Variants in CEP128 observed in about 807,000 individuals in gnomAD.
CEP128 encodes the protein centrosomal protein 128.
CEP128 carries 132 observed loss-of-function variants against 156.7 expected under a neutral mutation model. The observed-to-expected ratio is 0.84, with a 90% CI of 0.73 to 0.97. CEP128 has a LOEUF of 0.97. Ranked by LOEUF, CEP128 falls within the 50% of genes least tolerant of loss-of-function variation. CEP128 has a pLI of 0.00. For synonymous variants in CEP128, 469 were observed against 448.9 expected (o/e 1.04, Z -0.57); for missense variants, 1,252 against 1,281.9 (o/e 0.98, Z 0.36).
At chr14:80,584,140 C>T (rs959500649) in intron 19 of CEP128, among the ~76,000 whole-genome samples, 1 of 134,768 alleles carries the variant, frequency 7.4e-6, no homozygotes, top group Non-Finnish European at 1.5e-5. Flanking sequence ...GCGTCCGTGA[C>T]ATTTTTTTTT....
intron 6 of CEP128, among the ~76,000 whole-genome samples, chr14:80,901,125 G>A (rs930935736): frequency 4.6e-5 from 7 of 151,812 alleles, no homozygotes; most frequent in Admixed American, 1.3e-4. Flanking sequence ...AGAATGGCGT[G>A]AACCCGGGAG....
chr14:80,487,796 AAG>A (rs1887202324), downstream of CEP128, among the ~76,000 whole-genome samples: 1 of 152,172 alleles, frequency 6.6e-6, no homozygotes, highest in African/African-American at 2.4e-5. Flanking sequence ...TAACGAAATG[AAG>A]GCAGAAATAA....
intron 13 of CEP128, among the ~76,000 whole-genome samples, chr14:80,812,799 G>A (rs1479894947): frequency 7.2e-5 from 11 of 152,116 alleles, no homozygotes; most frequent in Non-Finnish European, 1.2e-4. Context: ...TCCTGACCTC[G>A]TGATCCGCCA....
chr14:80,761,580 T>G lies in CEP128; in HGVS notation c.2410A>C (p.Arg804=). The change falls in exon 17 of 25, where the codon AGG becomes CGG. Residue 804 remains arginine (R), a synonymous_variant. Coordinates refer to ENST00000555265, the MANE Select transcript of CEP128 (RefSeq NM_152446.5). ...KHISIEEEHL[R]RMEEARLQLK... Reference sequence around the variant, plus strand: ...TGCAATCTGGCCTCTTCCATCCTCCTTAAGTGCTCCTCTTCAATGCTTATA... The same window carrying G: ...TGCAATCTGGCCTCTTCCATCCTCCGTAAGTGCTCCTCTTCAATGCTTATA... The G allele has an allele frequency of 6.2e-7, 1 of 1,610,426 alleles. No individual in the cohort carries two copies. Among genetic ancestry groups the G allele is most frequent in the Non-Finnish European group, 8.5e-7 (1 of 1,177,622 alleles).
chr14:80,902,356 T>A (rs1883622861), intron 6 of CEP128, among the ~76,000 whole-genome samples: 1 of 152,198 alleles, frequency 6.6e-6, no homozygotes, highest in Admixed American at 6.5e-5. Flanking sequence ...CTGGGCTTCA[T>A]CACATAGTCC....
chr14:80,487,169 G>A (rs1887184699), downstream of CEP128, among the ~76,000 whole-genome samples: 1 of 151,866 alleles, frequency 6.6e-6, no homozygotes. Context: ...CAAAATAAAG[G>A]GATAGAGGAA....
intron 19 of CEP128, among the ~76,000 whole-genome samples, chr14:80,629,981 T>C (rs558051092): frequency 3.9e-5 from 6 of 152,068 alleles, no homozygotes; most frequent in African/African-American, 1.4e-4. Flanking sequence ...TCATGTAGCT[T>C]GTAAGTTCCT....
intron 21 of CEP128, among the ~76,000 whole-genome samples, chr14:80,547,544 T>C (rs1321568546): frequency 6.6e-6 from 1 of 152,188 alleles, no homozygotes; most frequent in East Asian, 1.9e-4. Context: ...TGAGGGGTAT[T>C]GACAAGGATT....
chr14:80,564,426 A>C (rs1010780859), intron 20 of CEP128, among the ~76,000 whole-genome samples: 1 of 152,232 alleles, frequency 6.6e-6, no homozygotes, highest in Admixed American at 6.5e-5. Flanking sequence ...GGATTCCCTC[A>C]ATATACAAAT....
intron 9 of CEP128, among the ~76,000 whole-genome samples, chr14:80,847,950 A>G (rs1187900257): frequency 6.6e-6 from 1 of 152,178 alleles, no homozygotes; most frequent in African/African-American, 2.4e-5. Flanking sequence ...ACAGTAAGCA[A>G]TATTTATTCA....
At chr14:80,557,817 A>AT (rs931975674) in intron 21 of CEP128, among the ~76,000 whole-genome samples, 9 of 152,070 alleles carry the variant, frequency 5.9e-5, no homozygotes, top group Admixed American at 3.3e-4. Flanking sequence ...TTATCTAAAG[A>AT]TTTTTTTCCT....
rs965713508 is a variant in CEP128, at chr14:80,717,667, A to G, written c.2806+25408T>C. 2.6e-5 allele frequency among the ~76,000 whole-genome samples: 4 copies of G among 152,196 alleles called. No individual in the cohort carries two copies. The East Asian group carries it at 7.7e-4, about 29-fold the overall frequency. Reference sequence around the variant, plus strand: ...ACACACTTAATATCAGAAAATGATCAAATAAAATGCAAAGACTGTGCTTCT... The same window carrying G: ...ACACACTTAATATCAGAAAATGATCGAATAAAATGCAAAGACTGTGCTTCT... On this transcript the variant is annotated intron_variant, in intron 19 of 24. Coordinates refer to ENST00000555265, the MANE Select transcript of CEP128 (RefSeq NM_152446.5).
intron 16 of CEP128, among the ~76,000 whole-genome samples, chr14:80,770,761 A>T (rs1188515019): frequency 6.6e-6 from 1 of 150,714 alleles, no homozygotes; most frequent in African/African-American, 2.4e-5. Flanking sequence ...TTCTACTCAC[A>T]CAACTTAAAA....
At chr14:80,864,759 G>C (rs767228296) in intron 8 of CEP128, among the ~76,000 whole-genome samples, 1 of 152,094 alleles carries the variant, frequency 6.6e-6, no homozygotes, top group Non-Finnish European at 1.5e-5. Context: ...GTTTCACCAT[G>C]TCGGCCAGGA....
intron 21 of CEP128, among the ~76,000 whole-genome samples, chr14:80,546,298 G>A (rs1362441447): frequency 1.3e-5 from 2 of 152,144 alleles, no homozygotes; most frequent in African/African-American, 4.8e-5. Context: ...TAGATGATAG[G>A]AAACAGGCTT....
chr14:80,701,657 AC>A (rs1897079323), intron 19 of CEP128, among the ~76,000 whole-genome samples: 1 of 152,068 alleles, frequency 6.6e-6, no homozygotes, highest in Non-Finnish European at 1.5e-5. Flanking sequence ...ACTAATTCCA[AC>A]GTTTAGTTCA....
chr14:80,698,932 A>T (rs978970129), intron 19 of CEP128, among the ~76,000 whole-genome samples: 1 of 152,188 alleles, frequency 6.6e-6, no homozygotes, highest in Admixed American at 6.6e-5. Context: ...GTAGCAGTAG[A>T]CCTGAATAGC....
intron 19 of CEP128, among the ~76,000 whole-genome samples, chr14:80,623,079 A>T (rs1283119219): frequency 2.0e-5 from 3 of 152,184 alleles, no homozygotes; most frequent in African/African-American, 7.2e-5. Flanking sequence ...ACAATGACAG[A>T]CTGGATTAAG....
intron 8 of CEP128, among the ~76,000 whole-genome samples, chr14:80,888,212 T>C (rs1056627954): frequency 1.3e-5 from 2 of 152,308 alleles, no homozygotes; most frequent in South Asian, 2.1e-4. Flanking sequence ...AAAGAGGAGC[T>C]GGTATCATTC....
Sources: gnomAD v4.1 joint callset for allele counts (sites outside exome capture counted in the v4.1 genomes callset) on GRCh38, gnomAD v4.1.1 for gene constraint, MANE v1.5 for transcripts, NCBI Gene and HGNC (gene_info 2026-07-23, HGNC 2026-07-21) for gene names.